Variants in SGO1 observed in about 807,000 individuals in gnomAD.
SGO1 encodes the protein serologically defined breast cancer antigen NY-BR-85.
In SGO1, 39 loss-of-function variants were observed where a neutral mutation model predicts 50.5. The observed-to-expected ratio is 0.77, with a 90% CI of 0.60 to 1.01. The LOEUF (loss-of-function observed/expected upper bound fraction) is 1.01. SGO1 is among the 50% of genes least tolerant of loss of function. SGO1 has a pLI of 0.00. For synonymous variants in SGO1, 191 were observed against 205.1 expected (o/e 0.93, Z 0.59); for missense variants, 638 against 606.0 (o/e 1.05, Z -0.55).
At position 20,170,844 on chromosome 3, in the gene SGO1, T is replaced by C. The variant is rs768145706; in HGVS notation, c.1473-29A>G. On this transcript the variant is annotated intron_variant, in intron 7 of 7. Transcript: ENST00000412997. ...TAAGAGTAAAAAGAGATCTCAGGCA[T>C]AATGTAAGCATCCCAATATTAACTT... 3 of 1,578,932 alleles carry C rather than the reference T, an allele frequency of 1.9e-6. No individual in the cohort carries two copies. The East Asian group carries it at 6.8e-5, about 36-fold the overall frequency.
chr3:20,183,597 A>T lies in SGO1; in HGVS notation c.339+11T>A, dbSNP rs145119421. On this transcript the variant is annotated intron_variant, in intron 3 of 7. Transcript: ENST00000412997. ...CTAAACTAAGAAATTCGGCCTTAGT[A>T]ATGAAAATACCTGAGCAGGTTCTAC... The T allele has an allele frequency of 8.2e-5, 128 of 1,557,450 alleles. No individual in the cohort carries two copies. The African/African-American group carries it at 1.5e-3, about 19-fold the overall frequency.
chr3:20,171,058 T>A lies in SGO1; in HGVS notation c.1457A>T (p.Glu486Val). Residue 486 changes from glutamate to valine, a missense_variant, in exon 7 of 8, where the codon GAG becomes GTG. Physicochemically the swap from Glu to Val is moderately radical, Grantham distance 121 (BLOSUM62 -2). Transcript: ENST00000412997. ...AAATACTTACGAAGCGAGGGTGGGCTCCTTATAGTTCACGCTGGCTGTGCA... is the reference window on the plus strand; with the variant it reads ...AAATACTTACGAAGCGAGGGTGGGCACCTTATAGTTCACGCTGGCTGTGCA... ...RRCTASVNYK[E>V]PTLASKLRRG... 2 of 1,590,264 alleles carry A rather than the reference T, an allele frequency of 1.3e-6. No homozygotes were observed. Among genetic ancestry groups the A allele is most frequent in the Non-Finnish European group, 1.7e-6 (2 of 1,173,806 alleles).
chr3:20,176,830 C>T (rs181914724), intron 4 of SGO1, among the ~76,000 whole-genome samples, 171 bp from the exon 5 acceptor site: 1 of 152,298 alleles, frequency 6.6e-6, no homozygotes, highest in East Asian at 1.9e-4. Flanking sequence ...ATGCTGATTA[C>T]AGGGAGACTG....
rs1448174976 is a variant in SGO1 at position 20,170,818 on chromosome 3, G to A, written c.1473-3C>T. On this transcript the variant is annotated splice_polypyrimidine_tract_variant and splice_region_variant and intron_variant, in intron 7 of 7. Transcript: ENST00000412997. ...AAGGGTCCCCTCTTCTCAGTTTCCTGTAAGAGTAAAAAGAGATCTCAGGCA... is the reference window on the plus strand; with the variant it reads ...AAGGGTCCCCTCTTCTCAGTTTCCTATAAGAGTAAAAAGAGATCTCAGGCA... The A allele has an allele frequency of 2.5e-6, 4 of 1,586,874 alleles. No individual in the cohort carries two copies. The highest frequency in any genetic ancestry group is 1.4e-5 in the African/African-American group (1 of 72,770).
rs1700529572 is a variant in SGO1 at position 20,169,749 on chromosome 3, C to T, written c.*955G>A. On this transcript the variant is annotated 3_prime_UTR_variant, in exon 8 of 8. Transcript: ENST00000412997. ...GAACATACAATTAGAGCTTGGGGTT[C>T]ACAATTAGTCACTTATCTTGTCCCT... The T allele has an allele frequency of 1.1e-6, 1 of 922,796 alleles. No individual in the cohort carries two copies. The highest frequency in any genetic ancestry group is 1.8e-5 in the African/African-American group (1 of 55,840). The allele number at this position is 922,796 out of a possible 1,614,324, so 57.2% of individuals were successfully genotyped here. A position where few individuals can be genotyped will look rare whatever the true frequency, so the allele number is the denominator to read the frequency against.
chr3:20,176,130 C>A (rs1213779487), intron 5 of SGO1, among the ~76,000 whole-genome samples: 1 of 152,172 alleles, frequency 6.6e-6, no homozygotes, highest in African/African-American at 2.4e-5. Context: ...AGGAGATTGA[C>A]ACTTGAGAAC....
At chr3:20,169,041 A>T (rs1437329471), downstream of SGO1, 1 of 985,122 alleles carries the variant, frequency 1.0e-6, no homozygotes, top group African/African-American at 1.7e-5. Flanking sequence ...AGAAAAAAAA[A>T]ACTTAAAAAT....
chr3:20,177,271 A>T (rs1701504495), intron 4 of SGO1: 2 of 152,190 alleles, frequency 1.3e-5, no homozygotes, highest in Admixed American at 1.3e-4. Flanking sequence ...GCTGTGGTAA[A>T]TAATAACTAC....
intron 8 of SGO1, among the ~76,000 whole-genome samples, chr3:20,163,552 T>A (rs1159148446): frequency 6.6e-6 from 1 of 152,182 alleles, no homozygotes; most frequent in Non-Finnish European, 1.5e-5. Flanking sequence ...CTACATTTTC[T>A]AAATGGAAAT....
downstream of SGO1, among the ~76,000 whole-genome samples, chr3:20,164,518 G>C (rs1700196757): frequency 6.6e-6 from 1 of 152,102 alleles, no homozygotes; most frequent in African/African-American, 2.4e-5. Context: ...TCCCAAAGTC[G>C]AGAAAAAGGC....
rs1700644103 is a variant in SGO1 at position 20,170,822 on chromosome 3, G to A, written c.1473-7C>T. 1 of 1,584,406 alleles carries A rather than the reference G, an allele frequency of 6.3e-7. No individual in the cohort carries two copies. The highest frequency in any genetic ancestry group is 1.2e-5 in the South Asian group (1 of 85,138). ...GTCCCCTCTTCTCAGTTTCCTGTAA[G>A]AGTAAAAAGAGATCTCAGGCATAAT... On this transcript the variant is annotated splice_polypyrimidine_tract_variant and splice_region_variant and intron_variant, in intron 7 of 7. Coordinates refer to ENST00000412997, the MANE Select transcript of SGO1 (RefSeq NM_001199251.3).
At chr3:20,176,280 G>A (rs1701381017) in intron 5 of SGO1, among the ~76,000 whole-genome samples, 1 of 152,110 alleles carries the variant, frequency 6.6e-6, no homozygotes, top group African/African-American at 2.4e-5. Flanking sequence ...AGGACTAACT[G>A]TACTTATAGT....
rs750423993 is a variant in SGO1 at position 20,174,373 on chromosome 3, G to C, written c.1158C>G (p.Cys386Trp). The change falls in exon 6 of 8, where the codon TGC becomes TGG. Residue 386 changes from cysteine to tryptophan, a missense_variant. By Grantham distance (215) the Cys-to-Trp change is radical (BLOSUM62 -2). Transcript: ENST00000412997. ...TGCTCGTGGGATTCTGAATGTACTT[G>C]CAAGTGGGCAAATAGAGGTCATCGG... Reference protein sequence around the residue: ...DDSDDLYLPTCKYIQNPTSNS... With the variant: ...DDSDDLYLPTWKYIQNPTSNS... The C allele has an allele frequency of 5.6e-6, 9 of 1,614,128 alleles. No homozygotes were observed. The South Asian group carries it at 8.8e-5, about 16-fold the overall frequency.
At chr3:20,168,334 T>G (rs574802559), downstream of SGO1, among the ~76,000 whole-genome samples, 1 of 152,128 alleles carries the variant, frequency 6.6e-6, no homozygotes, top group East Asian at 1.9e-4. Flanking sequence ...TTTAGGATTG[T>G]AGGCCAAGAG....
At chr3:20,176,344 G>A (rs971874256) in intron 5 of SGO1, among the ~76,000 whole-genome samples, 14 of 152,120 alleles carry the variant, frequency 9.2e-5, no homozygotes, top group African/African-American at 3.1e-4. Context: ...GCCTAACATA[G>A]AGCTTGACAC....
chr3:20,167,345 C>T (rs1050898783), downstream of SGO1, among the ~76,000 whole-genome samples: 5 of 151,708 alleles, frequency 3.3e-5, no homozygotes, highest in African/African-American at 7.3e-5. Flanking sequence ...AGGTGGTAGA[C>T]GATACTAATA....
downstream of SGO1, among the ~76,000 whole-genome samples, chr3:20,167,269 T>C (rs1268791591): frequency 6.6e-6 from 1 of 152,172 alleles, no homozygotes; most frequent in African/African-American, 2.4e-5. Context: ...ATAAATGCCA[T>C]ATGGTTTAAA....
chr3:20,161,149 C>A, exon 9 of SGO1: 1 of 1,613,786 alleles, frequency 6.2e-7, no homozygotes, highest in South Asian at 1.1e-5. Context: ...TTCCTACAGT[C>A]TGGGAATCTC....
intron 4 of SGO1, 150 bp downstream of exon 4, chr3:20,178,121 A>T (rs1701609343): frequency 8.5e-6 from 5 of 586,960 alleles, no homozygotes; most frequent in Non-Finnish European, 1.5e-5. Context: ...GAATTTCAAC[A>T]CATCAAATTC....
Sources: allele counts gnomAD v4.1 joint callset (sites outside exome capture counted in the v4.1 genomes callset), GRCh38; gene constraint gnomAD v4.1.1; transcripts MANE v1.5; gene names NCBI Gene and HGNC (gene_info 2026-07-23, HGNC 2026-07-21).